SBNO1: variants seen among roughly 807,000 people sequenced by gnomAD.
SBNO1 encodes the protein strawberry notch homolog 1, also known as protein strawberry notch homolog 1.
SBNO1 carries 23 observed loss-of-function variants against 173.6 expected under a neutral mutation model. That is an observed-to-expected ratio of 0.13 (90% CI 0.10 to 0.19). SBNO1 has a LOEUF of 0.19. Ranked by LOEUF, SBNO1 falls within the 10% of genes least tolerant of loss-of-function variation. The pLI, the probability that SBNO1 is intolerant of heterozygous loss-of-function variation, is 1.00. For synonymous variants in SBNO1, 632 were observed against 571.5 expected (o/e 1.11, Z -1.51); for missense variants, 1,238 against 1,671.2 (o/e 0.74, Z 4.52).
chr12:123,335,447 C>T (rs1871728258), intron 6 of SBNO1, among the ~76,000 whole-genome samples: 1 of 152,108 alleles, frequency 6.6e-6, no homozygotes, highest in African/African-American at 2.4e-5. Context: ...CAGACCCCGT[C>T]TTAAAAAGAA....
rs757066661 is a variant in SBNO1 at position 123,297,957 on chromosome 12, C to T, written c.4039+21G>A. 1.7e-5 allele frequency: 28 copies of T among 1,607,598 alleles called. No individual in the cohort carries two copies. In the African/African-American group the frequency reaches 3.4e-4, roughly 19 times the overall value. ...TCCGATTTTTTCCTGCAACTCAAAC[C>T]AAAACAAAAATTAGACTCACCTACA... is the stretch of plus-strand genomic sequence containing the variant. On this transcript the variant is annotated intron_variant, in intron 31 of 31. Coordinates refer to ENST00000602398, the MANE Select transcript of SBNO1 (RefSeq NM_001167856.3).
intron 1 of SBNO1, among the ~76,000 whole-genome samples, chr12:123,357,625 G>A (rs1421990937): frequency 1.3e-5 from 1 of 74,438 alleles, no homozygotes; most frequent in African/African-American, 5.1e-5. Context: ...CCTGGTGGCG[G>A]GTGCCTGTAG....
At chr12:123,316,492 G>A (rs979881853) in intron 21 of SBNO1, among the ~76,000 whole-genome samples, 4 of 152,112 alleles carry the variant, frequency 2.6e-5, no homozygotes, top group Admixed American at 2.0e-4. Context: ...CCAAAGTGCT[G>A]GGATTACAGG....
At position 123,298,151 on chromosome 12, in the gene SBNO1, G is replaced by T. The variant is rs151271718; in HGVS notation, c.3866C>A (p.Ala1289Glu). 1 of 1,612,634 alleles carries T rather than the reference G, an allele frequency of 6.2e-7. No individual in the cohort carries two copies. Among genetic ancestry groups the T allele is most frequent in the African/African-American group, 1.3e-5 (1 of 74,824 alleles). ...HAYWRGNCKK[A>E]SLGLVCEIGL... ...TATTTCACAAACTAGCCCCAAGCTTGCTTTTTTGCAATTGCCGCGCCTAAG... is the reference window on the plus strand; with the variant it reads ...TATTTCACAAACTAGCCCCAAGCTTTCTTTTTTGCAATTGCCGCGCCTAAG... Residue 1289 changes from alanine to glutamate, a missense_variant, in exon 31 of 32, where the codon GCA (alanine) becomes GAA (glutamate). Physicochemically the swap from Ala to Glu is moderately radical, Grantham distance 107 (BLOSUM62 -1). Transcript: ENST00000602398.
chr12:123,320,137 C>CTCT, intron 19 of SBNO1, 106 bp from the exon 20 acceptor site: 6 of 1,247,428 alleles, frequency 4.8e-6, no homozygotes, highest in Non-Finnish European at 6.8e-6. Flanking sequence ...ACAGGCTGTG[C>CTCT]TGCACCACAC....
intron 2 of SBNO1, 95 bp downstream of exon 2, chr12:123,350,215 C>T (rs979872297): frequency 2.0e-5 from 29 of 1,427,192 alleles, no homozygotes; most frequent in Non-Finnish European, 2.7e-5. Flanking sequence ...GACTGCACCA[C>T]TGCACCCCAG....
chr12:123,320,646 T>G, intron 18 of SBNO1, 39 bp from the exon 19 acceptor site: 1 of 1,599,414 alleles, frequency 6.3e-7, no homozygotes, highest in Non-Finnish European at 8.5e-7. Flanking sequence ...GTACAAAGTT[T>G]AAATATTTTT....
At chr12:123,304,389 C>T (rs2048864725) in intron 29 of SBNO1, 193 bp downstream of exon 29, 1 of 426,766 alleles carries the variant, frequency 2.3e-6, no homozygotes, top group South Asian at 2.5e-5. Flanking sequence ...TATGCATCAC[C>T]ATCCTGGGAT....
intron 6 of SBNO1, among the ~76,000 whole-genome samples, chr12:123,336,058 G>C (rs773857706): frequency 5.9e-5 from 9 of 151,932 alleles, no homozygotes; most frequent in South Asian, 2.1e-4. Context: ...TCATACAGTG[G>C]CTGCTAAAAA....
chr12:123,313,306 A>G (rs924968037), intron 24 of SBNO1, among the ~76,000 whole-genome samples: 1 of 150,958 alleles, frequency 6.6e-6, no homozygotes, highest in Non-Finnish European at 1.5e-5. Context: ...AAATAAATAA[A>G]TAATTTTTAA....
chr12:123,299,066 T>C (rs1296391996), intron 30 of SBNO1, among the ~76,000 whole-genome samples: 1 of 151,862 alleles, frequency 6.6e-6, no homozygotes, highest in Non-Finnish European at 1.5e-5. Flanking sequence ...CTACTGAAAA[T>C]ACAAAAATTA....
rs753291961 is a variant in SBNO1, at chr12:123,309,522, T to C, written c.3504A>G (p.Gly1168=). The change falls in exon 27 of 32, where the codon GGA becomes GGG. Residue 1168 remains glycine (G), a synonymous_variant. Coordinates refer to ENST00000602398, the MANE Select transcript of SBNO1 (RefSeq NM_001167856.3). ...ATTCTACGTGGCCAGAGGTTGAATA[T>C]CCTGGAGTCAGAAACTTTTTAACAT... ...KSDVKKFLTP[G]YSTSGHVELY... The C allele has an allele frequency of 3.7e-6, 6 of 1,613,870 alleles. No individual in the cohort carries two copies. Among genetic ancestry groups the C allele is most frequent in the Admixed American group, 3.3e-5 (2 of 60,002 alleles).
intron 31 of SBNO1, among the ~76,000 whole-genome samples, chr12:123,297,422 A>AAAAAAAAAAAAAAAAAAT (rs1555243597): frequency 5.4e-5 from 8 of 148,178 alleles, no homozygotes; most frequent in Admixed American, 1.4e-4. Context: ...AAAAAAAAAA[A>AAAAAAAAAAAAAAAAAAT]TTCCATAGAC....
chr12:123,334,098 G>A lies in SBNO1; in HGVS notation c.864C>T (p.Gly288=), dbSNP rs1363249352. The A allele has an allele frequency of 6.2e-7, 1 of 1,603,138 alleles. No homozygotes were observed. Among genetic ancestry groups the A allele is most frequent in the Non-Finnish European group, 8.5e-7 (1 of 1,175,496 alleles). ...CCTCAAGCTGCAATGCTGATAACCA[G>A]CCATTATCAATGGTTTCCTCAGAAA... The part of the protein sequence containing the change: ...TSISEETIDN[G]WLSALQLEAI... The change falls in exon 7 of 32, where the codon GGC becomes GGT. Residue 288 remains glycine, a synonymous_variant. Transcript: ENST00000602398.
intron 15 of SBNO1, among the ~76,000 whole-genome samples, 164 bp from the exon 16 acceptor site, chr12:123,323,995 A>G (rs1187294030): frequency 6.6e-6 from 1 of 152,256 alleles, no homozygotes; most frequent in East Asian, 1.9e-4. Context: ...CAACTAAATA[A>G]TAAGAATGCA....
intron 5 of SBNO1, among the ~76,000 whole-genome samples, chr12:123,339,893 G>A (rs969534035): frequency 1.3e-5 from 2 of 151,964 alleles, no homozygotes; most frequent in Admixed American, 6.6e-5. Flanking sequence ...TATTTTCACC[G>A]AAGCACATAC....
chr12:123,331,295 C>A lies in SBNO1; in HGVS notation c.990G>T (p.Thr330=), dbSNP rs74679372. 157 of 1,614,008 alleles carry A rather than the reference C, an allele frequency of 9.7e-5. No homozygotes were observed. The African/African-American group carries it at 2.0e-3, about 20-fold the overall frequency. Residue 330 remains threonine (T), a synonymous_variant, in exon 8 of 32, where the codon ACG becomes ACT. Coordinates refer to ENST00000602398, the MANE Select transcript of SBNO1 (RefSeq NM_001167856.3). ...GDGAGVGKGR[T]IAGIIYENYL... ...AATTTTCATAGATGATTCCTGCTAT[C>A]GTCCTTCCTTTTCCTACACCGGCAC...
intron 1 of SBNO1, among the ~76,000 whole-genome samples, chr12:123,363,600 G>T (rs1189376450): frequency 6.6e-6 from 1 of 152,066 alleles, no homozygotes; most frequent in Non-Finnish European, 1.5e-5. Context: ...CCCTCAACAC[G>T]TGTTCAGTAC....
rs11402328 is a variant in SBNO1 at position 123,331,465 on chromosome 12, T to TG, written c.910-91_910-90insC. The TG allele has an allele frequency of 5.8e-3, 7,143 of 1,238,496 alleles. 358 individuals are homozygous for TG. The African/African-American group carries it at 0.1, about 17-fold the overall frequency. 76.7% of individuals were successfully genotyped at this position (1,238,496 alleles called of 1,614,324 possible). ...CACTGTTTTAGGAGTAGGAATATGT[T>TG]ATGTTTTTTGTTTTGTATATGTATT... On this transcript the variant is annotated intron_variant, in intron 7 of 31. Transcript: ENST00000602398.
Sources: allele counts gnomAD v4.1 joint callset (sites outside exome capture counted in the v4.1 genomes callset), GRCh38; gene constraint gnomAD v4.1.1; transcripts MANE v1.5; gene names NCBI Gene and HGNC (gene_info 2026-07-23, HGNC 2026-07-21).